Variants in SULT6B1 observed in about 807,000 individuals in gnomAD.
SULT6B1 encodes the protein sulfotransferase family 6B member 1.
A neutral mutation model predicts 37.2 loss-of-function variants in SULT6B1; 44 were observed. The ratio of observed to expected loss-of-function variants is 1.18; its 90% CI spans 0.93 to 1.52. The LOEUF is 1.52. Among genes scored for constraint, SULT6B1 ranks in the 40% most tolerant of loss-of-function variants. SULT6B1 has a pLI of 0.00. For synonymous variants in SULT6B1, 140 were observed against 126.0 expected, an observed-to-expected ratio of 1.11 and a Z score of -0.74; for missense variants, 450 against 361.0, an observed-to-expected ratio of 1.25 and a Z score of -2.00.
At chr2:37,184,788 C>T (rs192480653) in intron 2 of SULT6B1, among the ~76,000 whole-genome samples, 3,518 of 151,656 alleles carry the variant, frequency 0.023, 66 homozygotes, top group Middle Eastern at 0.054. Context: ...GCTGAGATCG[C>T]GCCACTGCAC....
chr2:37,168,977 A>G (rs1676239122), intron 6 of SULT6B1, among the ~76,000 whole-genome samples: 1 of 152,246 alleles, frequency 6.6e-6, no homozygotes, highest in African/African-American at 2.4e-5. Context: ...TACAAATGTC[A>G]TCAGCTATAT....
At chr2:37,181,189 C>T (rs950385755) in intron 3 of SULT6B1, among the ~76,000 whole-genome samples, 2 of 152,126 alleles carry the variant, frequency 1.3e-5, no homozygotes, top group African/African-American at 4.8e-5. Flanking sequence ...TAACACTCTT[C>T]CCTCCCCCTA....
chr2:37,179,412 T>C, intron 4 of SULT6B1, 46 bp downstream of exon 4: 3 of 1,607,526 alleles, frequency 1.9e-6, no homozygotes, highest in Non-Finnish European at 2.5e-6. Flanking sequence ...CACATTTATG[T>C]GGTCATCTGA....
chr2:37,173,419 C>T (rs955304861), intron 5 of SULT6B1, among the ~76,000 whole-genome samples: 5 of 152,118 alleles, frequency 3.3e-5, no homozygotes, highest in Admixed American at 1.3e-4. Context: ...CTTTAAAGCA[C>T]GGCTATGTGT....
intron 6 of SULT6B1, among the ~76,000 whole-genome samples, chr2:37,170,613 A>G (rs1676272302): frequency 6.6e-6 from 1 of 151,668 alleles, no homozygotes; most frequent in Non-Finnish European, 1.5e-5. Flanking sequence ...TATTAAAAAT[A>G]CAAAAAAATT....
chr2:37,186,958 C>G (rs1443954713), intron 2 of SULT6B1, among the ~76,000 whole-genome samples: 1 of 152,184 alleles, frequency 6.6e-6, no homozygotes, highest in Non-Finnish European at 1.5e-5. Context: ...TGCACAGGTC[C>G]ATGTCTTCAG....
intron 5 of SULT6B1, among the ~76,000 whole-genome samples, chr2:37,171,915 C>A (rs1165963182): frequency 6.6e-6 from 1 of 152,000 alleles, no homozygotes; most frequent in Admixed American, 6.6e-5. Flanking sequence ...TAAAAAGTAC[C>A]AACTTAGACC....
In SULT6B1 at chr2:37,179,518, G is replaced by C. The variant is rs11569746; in HGVS notation, c.469C>G (p.Pro157Ala). The C allele has an allele frequency of 3.3e-4, 526 of 1,613,896 alleles. 2 individuals are homozygous for C. In the African/African-American group the frequency reaches 6.5e-3, roughly 20 times the overall value. Residue 157 changes from proline to alanine, a missense_variant, in exon 4 of 7, where the codon CCC (proline) becomes GCC (alanine). Physicochemically the swap from Pro to Ala is conservative, Grantham distance 27. Transcript: ENST00000535679. Reference protein sequence around the residue: ...VSFLHFHNDVPDIPSYGSWDE... With the variant: ...VSFLHFHNDVADIPSYGSWDE... ...CAAGAGCCATAGCTTGGAATATCGG[G>C]GACATCGTTGTGGAAATGCAAAAAA...
intron 2 of SULT6B1, 55 bp downstream of exon 2, chr2:37,187,300 G>T (rs185442268): frequency 1.7e-6 from 2 of 1,207,788 alleles, no homozygotes; most frequent in Admixed American, 2.0e-5. Flanking sequence ...TCTCCAAACC[G>T]GAAGAAATCT....
upstream of SULT6B1, chr2:37,188,684 G>T: frequency 1.4e-6 from 1 of 709,246 alleles, no homozygotes; most frequent in Non-Finnish European, 2.4e-6. Context: ...TGTTCAGGGG[G>T]AGTGATTGCT....
chr2:37,191,618 G>A (rs923989526), upstream of SULT6B1, among the ~76,000 whole-genome samples: 1 of 152,240 alleles, frequency 6.6e-6, no homozygotes, highest in Non-Finnish European at 1.5e-5. Flanking sequence ...ACCAAAGAGT[G>A]AGAAGGGCAG....
upstream of SULT6B1, among the ~76,000 whole-genome samples, chr2:37,193,573 A>AAG (rs1676825200): frequency 1.5e-5 from 2 of 129,656 alleles, no homozygotes; most frequent in East Asian, 2.1e-4. Flanking sequence ...ACCAAAAAAA[A>AAG]AAGAAGAAAA....
At chr2:37,182,742 G>T (rs370090827) in intron 3 of SULT6B1, among the ~76,000 whole-genome samples, 1 of 152,116 alleles carries the variant, frequency 6.6e-6, no homozygotes, top group African/African-American at 2.4e-5. Flanking sequence ...GAAACAGAAA[G>T]GGTTGGGTAA....
At chr2:37,193,365 G>T (rs1676820401), upstream of SULT6B1, among the ~76,000 whole-genome samples, 1 of 151,714 alleles carries the variant, frequency 6.6e-6, no homozygotes, top group Non-Finnish European at 1.5e-5. Context: ...GGGAGGCCAA[G>T]GCAAGAGAAT....
upstream of SULT6B1, among the ~76,000 whole-genome samples, chr2:37,192,734 T>G (rs1676808247): frequency 6.6e-6 from 1 of 152,250 alleles, no homozygotes; most frequent in Non-Finnish European, 1.5e-5. Context: ...TTTGCTTGCT[T>G]GCTTCTTAGT....
At chr2:37,188,697 T>G, upstream of SULT6B1, 1 of 657,096 alleles carries the variant, frequency 1.5e-6, no homozygotes, top group Non-Finnish European at 2.7e-6. Flanking sequence ...TGATTGCTTT[T>G]AATGGAGTTG....
At chr2:37,186,811 G>A (rs761880140) in intron 2 of SULT6B1, among the ~76,000 whole-genome samples, 1 of 152,010 alleles carries the variant, frequency 6.6e-6, no homozygotes, top group Admixed American at 6.6e-5. Flanking sequence ...CAGGAGGATC[G>A]CTTGAGCCCA....
upstream of SULT6B1, among the ~76,000 whole-genome samples, chr2:37,189,710 G>A (rs1676744451): frequency 1.3e-5 from 2 of 152,182 alleles, no homozygotes; most frequent in African/African-American, 4.8e-5. Flanking sequence ...TGCGGGGAAG[G>A]TGCTTCTCCC....
rs11569755 is a variant in SULT6B1 at position 37,175,127 on chromosome 2, C to G, written c.624+5G>C. On this transcript the variant is annotated splice_donor_5th_base_variant and intron_variant, in intron 5 of 6. Transcript: ENST00000535679. Reference sequence around the variant, plus strand: ...TTTGCTCTAAAATATCAATAATAATCTCACCTCTTTCAGGTCTTCATATAA... The same window carrying G: ...TTTGCTCTAAAATATCAATAATAATGTCACCTCTTTCAGGTCTTCATATAA... 0.33 allele frequency: 495,112 copies of G among 1,507,240 alleles called. 85,150 individuals carry two copies. Among genetic ancestry groups the G allele is most frequent in the Non-Finnish European group, 0.35 (392,956 of 1,116,784 alleles). 93.4% of individuals were successfully genotyped at this position (1,507,240 alleles called of 1,614,324 possible). A position where few individuals can be genotyped will look rare whatever the true frequency, so the allele number is the denominator to read the frequency against.
Sources: allele counts gnomAD v4.1 joint callset (sites outside exome capture counted in the v4.1 genomes callset), GRCh38; gene constraint gnomAD v4.1.1; transcripts MANE v1.5; gene names NCBI Gene and HGNC (gene_info 2026-07-23, HGNC 2026-07-21).